CCDC63: variants seen among roughly 807,000 people sequenced by gnomAD.
The protein encoded by CCDC63 is coiled-coil domain-containing protein 63.
CCDC63 carries 54 observed loss-of-function variants against 63.6 expected under a neutral mutation model. The observed-to-expected ratio is 0.85, with a 90% CI of 0.68 to 1.07. CCDC63 has a LOEUF of 1.07. CCDC63 is among the 50% of genes least tolerant of loss of function. The probability of loss-of-function intolerance (pLI) is 0.00; values close to 1 mark genes in which losing one functional copy is unlikely to be tolerated. For missense variants in CCDC63, 637 were observed against 689.6 expected, an observed-to-expected ratio of 0.92 and a Z score of 0.86; for synonymous variants, 253 against 266.1, an observed-to-expected ratio of 0.95 and a Z score of 0.48.
At chr12:110,901,099 T>C (rs2071480181) in intron 10 of CCDC63, among the ~76,000 whole-genome samples, 1 of 152,240 alleles carries the variant, frequency 6.6e-6, no homozygotes, top group Non-Finnish European at 1.5e-5. Flanking sequence ...ATAAACCATA[T>C]AGTGCAAACT....
At chr12:110,846,686 G>C (rs1034157859), upstream of CCDC63, 2 of 152,400 alleles carry the variant, frequency 1.3e-5, no homozygotes, top group Non-Finnish European at 2.9e-5. Context: ...TGGGGTGTGA[G>C]TGGGGCGAGG....
chr12:110,878,237 T>C lies in CCDC63; in HGVS notation c.490-1669T>C, dbSNP rs1056749124. ...ATATATACCTATATGCATATATGTA[T>C]ACACACATGTATACATACATATACA... On this transcript the variant is annotated intron_variant, in intron 5 of 11. Transcript: ENST00000308208. Among the ~76,000 whole-genome samples, 3 of 152,198 alleles carry C rather than the reference T, an allele frequency of 2.0e-5. 1 individual carries two copies. The highest frequency in any genetic ancestry group is 7.2e-5 in the African/African-American group (3 of 41,444).
chr12:110,880,637 T>C (rs1269619561), intron 6 of CCDC63, among the ~76,000 whole-genome samples: 1 of 151,084 alleles, frequency 6.6e-6, no homozygotes. Flanking sequence ...TGTAAAGTAG[T>C]GCCTGGGACA....
chr12:110,853,878 C>T (rs999078085), intron 3 of CCDC63, among the ~76,000 whole-genome samples: 5 of 152,174 alleles, frequency 3.3e-5, no homozygotes, highest in Non-Finnish European at 7.3e-5. Context: ...TGTTTTTCTC[C>T]GCACATGACT....
In CCDC63 at chr12:110,855,680, C is replaced by T. The variant is rs143538021; in HGVS notation, c.179+2106C>T. 8.7e-3 allele frequency among the ~76,000 whole-genome samples: 1,327 copies of T among 152,274 alleles called. 13 individuals are homozygous for T. The highest frequency in any genetic ancestry group is 0.025 in the South Asian group (121 of 4,826). On this transcript the variant is annotated intron_variant, in intron 3 of 11. Coordinates refer to ENST00000308208, the MANE Select transcript of CCDC63 (RefSeq NM_152591.3). ...CACTGCAACCTGTGCCTCCTGGGTTCATGCAATTCTCCTGCCTCAGTCTCC... is the reference window on the plus strand; with the variant it reads ...CACTGCAACCTGTGCCTCCTGGGTTTATGCAATTCTCCTGCCTCAGTCTCC...
chr12:110,901,491 G>C lies in CCDC63; in HGVS notation c.1342+2366G>C, dbSNP rs1301370761. ...CATCCCGCTGCCTTGGCCTCCCAAA[G>C]TGCTGGGATTACAGGCAGGAGCCAT... On this transcript the variant is annotated intron_variant, in intron 10 of 11. Transcript: ENST00000308208. Among the ~76,000 whole-genome samples, 4 of 152,024 alleles carry C rather than the reference G, an allele frequency of 2.6e-5. No homozygotes were observed. The East Asian group carries it at 7.7e-4, about 29-fold the overall frequency.
intron 1 of CCDC63, among the ~76,000 whole-genome samples, chr12:110,852,106 C>G (rs906156835): frequency 5.9e-5 from 9 of 152,138 alleles, no homozygotes; most frequent in African/African-American, 1.9e-4. Flanking sequence ...CTGTCCCTTG[C>G]TCTGAATAAC....
rs1327362741 is a variant in CCDC63, at chr12:110,858,608, A to G, written c.202A>G (p.Thr68Ala). Residue 68 changes from threonine (T) to alanine (A), a missense_variant, in exon 4 of 12, where the codon ACA becomes GCA. Thr to Ala is a moderately conservative substitution (Grantham distance 58, BLOSUM62 0). Transcript: ENST00000308208. Reference protein sequence around the residue: ...SQYKEIKTLKTEQDEITLLLS... With the variant: ...SQYKEIKTLKAEQDEITLLLS... Reference sequence around the variant, plus strand: ...CAGCAAGGAGATCAAGACCCTGAAGACAGAGCAGGATGAGATCACCCTACT... The same window carrying G: ...CAGCAAGGAGATCAAGACCCTGAAGGCAGAGCAGGATGAGATCACCCTACT... 2 of 1,613,012 alleles carry G rather than the reference A, an allele frequency of 1.2e-6. No homozygotes were observed. The highest frequency in any genetic ancestry group is 8.5e-7 in the Non-Finnish European group (1 of 1,179,606).
At chr12:110,867,390 G>A (rs1291709247) in intron 4 of CCDC63, among the ~76,000 whole-genome samples, 14 of 123,234 alleles carry the variant, frequency 1.1e-4, no homozygotes, top group East Asian at 2.7e-4. Context: ...GCGGCTGGCC[G>A]GGCGGGGGGC....
Position 110,853,516 on chromosome 12 carries a change from ATGG to A in CCDC63, c.125_127del (p.Val42del). Reference sequence around the variant, plus strand: ...GAAGCTAAGGCAGCAGTTCAGGAAGATGGTGGAAAGCCGGAAGTCTTTTAAGTT... The same window carrying A: ...GAAGCTAAGGCAGCAGTTCAGGAAGATGGAAAGCCGGAAGTCTTTTAAGTT... On this transcript the variant is annotated inframe_deletion, in exon 3 of 12. Transcript: ENST00000308208. 6.2e-7 allele frequency: 1 copy of A among 1,614,242 alleles called. No individual in the cohort carries two copies.
In CCDC63 at chr12:110,906,054, T is replaced by TA. The variant is rs1237184552; in HGVS notation, c.1546+1264dup. On this transcript the variant is annotated intron_variant, in intron 11 of 11. Transcript: ENST00000308208. ...TTATAATAATATAATATATAATATATATATAATATATATACTTTTTTTTTG... is the reference window on the plus strand; with the variant it reads ...TTATAATAATATAATATATAATATATAATATAATATATATACTTTTTTTTTG... 4.5e-5 allele frequency among the ~76,000 whole-genome samples: 4 copies of TA among 88,436 alleles called. 1 individual carries two copies. The highest frequency in any genetic ancestry group is 8.3e-5 in the Non-Finnish European group (4 of 47,968). 58.0% of individuals were successfully genotyped at this position (88,436 alleles called of 152,430 possible).
At chr12:110,888,571 C>T (rs2071313923) in intron 8 of CCDC63, among the ~76,000 whole-genome samples, 1 of 152,108 alleles carries the variant, frequency 6.6e-6, no homozygotes, top group Non-Finnish European at 1.5e-5. Flanking sequence ...TCTGCAAATG[C>T]CTGTTGAATA....
At chr12:110,868,755 A>AAAGGGG (rs2071020218) in intron 4 of CCDC63, among the ~76,000 whole-genome samples, 1 of 23,708 alleles carries the variant, frequency 4.2e-5, no homozygotes, top group African/African-American at 1.7e-4. Flanking sequence ...GGGGGAGGGG[A>AAAGGGG]AGGGGGAGGG....
chr12:110,897,844 C>T (rs2071433691), intron 9 of CCDC63, among the ~76,000 whole-genome samples: 1 of 151,496 alleles, frequency 6.6e-6, no homozygotes, highest in African/African-American at 2.4e-5. Context: ...AGCAATTCTC[C>T]TGCCTCTTCC....
At chr12:110,853,058 C>A in intron 2 of CCDC63, 95 bp downstream of exon 2, 2 of 1,380,466 alleles carry the variant, frequency 1.4e-6, no homozygotes, top group South Asian at 1.2e-5. Context: ...TCCTGACAAA[C>A]AGATCTGTGC....
rs376677990 is a variant in CCDC63, at chr12:110,858,698, C to T, written c.292C>T (p.Leu98Phe). ...TGAGAAGAACTACATGGAGCTGCGA[C>T]TCCTGCTCCAAACTAAGGAGGACTA... Reference protein sequence around the residue: ...RSEKNYMELRLLLQTKEDYEA... With the variant: ...RSEKNYMELRFLLQTKEDYEA... The change falls in exon 4 of 12, where the codon CTC becomes TTC. Residue 98 changes from leucine to phenylalanine, a missense_variant. Transcript: ENST00000308208. The T allele has an allele frequency of 1.9e-6, 3 of 1,613,856 alleles. No individual in the cohort carries two copies. In the African/African-American group the frequency reaches 4.0e-5, roughly 22 times the overall value.
chr12:110,898,910 T>G, intron 9 of CCDC63, 23 bp from the exon 10 acceptor site: 1 of 1,537,914 alleles, frequency 6.5e-7, no homozygotes, highest in South Asian at 1.3e-5. Context: ...CCTGAGCAGG[T>G]GGGAATTGGG....
At chr12:110,879,431 T>C (rs2071170736) in intron 5 of CCDC63, among the ~76,000 whole-genome samples, 1 of 152,196 alleles carries the variant, frequency 6.6e-6, no homozygotes, top group Non-Finnish European at 1.5e-5. Context: ...CAGCCCCCTA[T>C]AGCAAAGAAT....
At chr12:110,877,235 C>T (rs761951042) in intron 5 of CCDC63, among the ~76,000 whole-genome samples, 20 of 141,244 alleles carry the variant, frequency 1.4e-4, no homozygotes, top group Non-Finnish European at 2.7e-4. Flanking sequence ...TTTTTTGAGA[C>T]GGAGTCTGGC....
Sources: gnomAD v4.1 joint callset for allele counts (sites outside exome capture counted in the v4.1 genomes callset) on GRCh38, gnomAD v4.1.1 for gene constraint, MANE v1.5 for transcripts, NCBI Gene and HGNC (gene_info 2026-07-23, HGNC 2026-07-21) for gene names.